The following NEK1 variants were observed in gnomAD, a reference collection of about 807,000 sequenced individuals.
NEK1 encodes serine/threonine-protein kinase Nek1.
NEK1 carries 137 observed loss-of-function variants against 182.1 expected under a neutral mutation model. The ratio of observed to expected loss-of-function variants is 0.75; its 90% CI spans 0.65 to 0.87. The LOEUF (loss-of-function observed/expected upper bound fraction) is 0.87. Among genes scored for constraint, NEK1 ranks in the 40% least tolerant of loss-of-function variants. The pLI is 0.00. For synonymous variants in NEK1, 513 were observed against 492.2 expected, an observed-to-expected ratio of 1.04 and a Z score of -0.56; for missense variants, 1,391 against 1,494.4, an observed-to-expected ratio of 0.93 and a Z score of 1.14.
Position 169,561,750 on chromosome 4 carries a change from T to G in NEK1, c.1141-13A>C. On this transcript the variant is annotated splice_polypyrimidine_tract_variant and intron_variant, in intron 14 of 35. Coordinates refer to ENST00000507142, the MANE Select transcript of NEK1 (RefSeq NM_001199397.3). Reference sequence around the variant, plus strand: ...TTAAACTAATAATCTGTAACAATTTTAAAGACAAGCTTCTTACAACTCTTG... The same window carrying G: ...TTAAACTAATAATCTGTAACAATTTGAAAGACAAGCTTCTTACAACTCTTG... The G allele has an allele frequency of 6.3e-7, 1 of 1,586,938 alleles. No homozygotes were observed. Among genetic ancestry groups the G allele is most frequent in the Non-Finnish European group, 8.6e-7 (1 of 1,164,662 alleles).
chr4:169,607,710 G>A (rs186109313), intron 2 of NEK1, among the ~76,000 whole-genome samples: 62 of 152,108 alleles, frequency 4.1e-4, no homozygotes, highest in East Asian at 3.3e-3. Flanking sequence ...TGATCCGCCC[G>A]CCTCAGCCTC....
rs565326965 is a variant in NEK1, at chr4:169,572,275, G to A, written c.1020+4653C>T. Among the ~76,000 whole-genome samples the A allele has an allele frequency of 1.2e-4, 18 of 152,234 alleles. No individual in the cohort carries two copies. The South Asian group carries it at 3.3e-3, about 28-fold the overall frequency. ...AAAAATAATGAGAAGTAGTCAGACC[G>A]TGAATATATTTTGAAGTCACAATTG... is the stretch of plus-strand genomic sequence containing the variant. On this transcript the variant is annotated intron_variant, in intron 12 of 35. Coordinates refer to ENST00000507142, the MANE Select transcript of NEK1 (RefSeq NM_001199397.3).
At chr4:169,588,863 T>G in intron 7 of NEK1, 128 bp from the exon 8 acceptor site, 1 of 648,344 alleles carries the variant, frequency 1.5e-6, no homozygotes, top group South Asian at 1.9e-5. Flanking sequence ...CACTGAAAAA[T>G]TCCTATCACC....
chr4:169,557,211 C>G (rs1377924545), intron 16 of NEK1, among the ~76,000 whole-genome samples: 1 of 151,730 alleles, frequency 6.6e-6, no homozygotes, highest in Non-Finnish European at 1.5e-5. Context: ...CCAAGAAAGG[C>G]AATCAATGAA....
chr4:169,480,582 G>A (rs926168650), intron 23 of NEK1, among the ~76,000 whole-genome samples: 1 of 151,880 alleles, frequency 6.6e-6, no homozygotes, highest in Admixed American at 6.6e-5. Context: ...TGCTGGTGGA[G>A]GGTCTTGCCT....
intron 18 of NEK1, among the ~76,000 whole-genome samples, chr4:169,539,056 G>A (rs1758966961): frequency 6.6e-6 from 1 of 152,014 alleles, no homozygotes; most frequent in African/African-American, 2.4e-5. Flanking sequence ...TTCCATCATG[G>A]GAATTTTCTA....
intron 24 of NEK1, among the ~76,000 whole-genome samples, chr4:169,478,066 T>C (rs1747295757): frequency 6.6e-6 from 1 of 151,950 alleles, no homozygotes; most frequent in African/African-American, 2.4e-5. Context: ...ATGACATAAA[T>C]GTTATCTCCT....
chr4:169,479,749 T>C (rs1454276501), intron 23 of NEK1, among the ~76,000 whole-genome samples: 1 of 152,148 alleles, frequency 6.6e-6, no homozygotes, highest in Non-Finnish European at 1.5e-5. Flanking sequence ...CACATAGTCA[T>C]GTCACATAGT....
chr4:169,466,101 T>C (rs1299133776), intron 26 of NEK1, among the ~76,000 whole-genome samples: 3 of 152,068 alleles, frequency 2.0e-5, no homozygotes, highest in South Asian at 2.1e-4. Flanking sequence ...GAATTCCATA[T>C]GTTCAACAAG....
chr4:169,458,319 A>G (rs1010009511), intron 27 of NEK1, among the ~76,000 whole-genome samples: 2 of 152,244 alleles, frequency 1.3e-5, no homozygotes, highest in Non-Finnish European at 2.9e-5. Flanking sequence ...AGTATTTACA[A>G]TAAGTGGTGC....
At chr4:169,407,819 C>T (rs1468342406) in intron 31 of NEK1, among the ~76,000 whole-genome samples, 2 of 152,204 alleles carry the variant, frequency 1.3e-5, no homozygotes, top group Admixed American at 6.5e-5. Flanking sequence ...AACTTATATA[C>T]TTGGCCAATT....
At chr4:169,525,252 C>T (rs1346572606) in intron 19 of NEK1, among the ~76,000 whole-genome samples, 1 of 152,086 alleles carries the variant, frequency 6.6e-6, no homozygotes, top group Admixed American at 6.6e-5. Context: ...CCTCAACCTC[C>T]CAAGTAGCTA....
At chr4:169,573,583 T>A (rs1765204753) in intron 12 of NEK1, among the ~76,000 whole-genome samples, 1 of 152,140 alleles carries the variant, frequency 6.6e-6, no homozygotes, top group Admixed American at 6.5e-5. Context: ...ATTTGGAAAT[T>A]ATTATAAATG....
In NEK1 at chr4:169,424,788, T is replaced by C. The variant is rs1226331739; in HGVS notation, c.2987A>G (p.Asn996Ser). The change falls in exon 31 of 36, where the codon AAT (asparagine) becomes AGT (serine). Residue 996 changes from asparagine to serine, a missense_variant. Around this residue, in one of 5 missense-constraint regions of NEK1, gnomAD observed 1,216 missense variants for 1,277.6 expected, o/e 0.95. Transcript: ENST00000507142. Reference sequence around the variant, plus strand: ...ATCACATTTAGAGTGCTGAGAATCATTGGTTCCAGGCTCTGTGGTAGAAAG... The same window carrying C: ...ATCACATTTAGAGTGCTGAGAATCACTGGTTCCAGGCTCTGTGGTAGAAAG... ...LSDIHIEPGT[N>S]DSQHSKCDVD... 3.7e-6 allele frequency: 6 copies of C among 1,607,768 alleles called. No individual in the cohort carries two copies. The East Asian group carries it at 9.0e-5, about 24-fold the overall frequency.
chr4:169,471,358 T>C (rs1322645795), intron 26 of NEK1, among the ~76,000 whole-genome samples: 1 of 152,224 alleles, frequency 6.6e-6, no homozygotes, highest in Non-Finnish European at 1.5e-5. Context: ...TGGTTGTTAG[T>C]TTTCCTTCTA....
At position 169,508,345 on chromosome 4, in the gene NEK1, A is replaced by G; in HGVS notation, c.1750-14T>C. 1 of 1,546,308 alleles carries G rather than the reference A, an allele frequency of 6.5e-7. No individual in the cohort carries two copies. The highest frequency in any genetic ancestry group is 8.7e-7 in the Non-Finnish European group (1 of 1,146,318). The stretch of plus-strand genomic sequence containing the variant: ...TGCCAGATAAACCTACAAGGAGGCA[A>G]AAACCCCAACATAATAATGTAAAAG... On this transcript the variant is annotated splice_polypyrimidine_tract_variant and intron_variant, in intron 20 of 35. Transcript: ENST00000507142.
chr4:169,512,240 T>C (rs576637716), intron 19 of NEK1, among the ~76,000 whole-genome samples: 15 of 152,260 alleles, frequency 9.9e-5, no homozygotes, highest in African/African-American at 3.4e-4. Flanking sequence ...CAAACAACAA[T>C]GTATAGGTGA....
At chr4:169,566,026 G>T (rs1421356805) in intron 12 of NEK1, among the ~76,000 whole-genome samples, 3 of 152,004 alleles carry the variant, frequency 2.0e-5, no homozygotes, top group Non-Finnish European at 2.9e-5. Flanking sequence ...CATAATCTTT[G>T]GACATAGAGC....
chr4:169,475,212 T>G (rs923379499), intron 26 of NEK1, among the ~76,000 whole-genome samples: 1 of 151,964 alleles, frequency 6.6e-6, no homozygotes, highest in African/African-American at 2.4e-5. Context: ...GCCCTGAGTA[T>G]GAGCAGAGCA....
Sources: gnomAD v4.1 joint callset for allele counts (sites outside exome capture counted in the v4.1 genomes callset) on GRCh38, gnomAD v4.1.1 for gene constraint, gnomAD v4.1.1 regional missense constraint, MANE v1.5 for transcripts, NCBI Gene and HGNC (gene_info 2026-07-23, HGNC 2026-07-21) for gene names.